Variants in RIF1 observed in about 807,000 individuals in gnomAD.
RIF1 encodes the protein replication timing regulatory factor 1, also known as telomere-associated protein RIF1.
RIF1 carries 45 observed loss-of-function variants against 247.1 expected under a neutral mutation model. That is an observed-to-expected ratio of 0.18 (90% CI 0.14 to 0.23). The LOEUF (loss-of-function observed/expected upper bound fraction) is 0.23, where lower values mean the gene tolerates loss of function less well. Ranked by LOEUF, RIF1 falls within the 10% of genes least tolerant of loss-of-function variation. The pLI is 1.00. For synonymous variants in RIF1, 1,087 were observed against 978.8 expected (o/e 1.11, Z -2.06); for missense variants, 2,967 against 2,862.5 (o/e 1.04, Z -0.83).
the RIF1 span, chr2:151,527,708 G>A: frequency 1.5e-6 from 1 of 687,550 alleles, no homozygotes; most frequent in South Asian, 1.9e-5. Flanking sequence ...AATGCAAGAG[G>A]AAGCCCCAAT....
rs374413679 is a variant in RIF1 at position 151,492,128 on chromosome 2, G to A, written c.*416-3101G>A. The stretch of plus-strand genomic sequence containing the variant: ...ATAGTCTCCTGATCTTGGTCATTCC[G>A]TTTTTGTTCCATTTCTACCACTTTC... On this transcript the variant is annotated intron_variant and NMD_transcript_variant, in intron 9 of 13. Coordinates refer to the RIF1 transcript ENST00000454583. 197 of 1,613,790 alleles carry A rather than the reference G, an allele frequency of 1.2e-4. No individual in the cohort carries two copies. The highest frequency in any genetic ancestry group is 1.7e-4 in the Middle Eastern group (1 of 6,060).
At chr2:151,520,293 T>C in the RIF1 span, among the ~76,000 whole-genome samples, 1 of 152,180 alleles carries the variant, frequency 6.6e-6, no homozygotes, top group Non-Finnish European at 1.5e-5. Flanking sequence ...CCAAAAATGG[T>C]ATAACTCCTG....
the RIF1 span, chr2:151,530,938 A>G: frequency 2.6e-6 from 3 of 1,157,388 alleles, no homozygotes; most frequent in Non-Finnish European, 3.8e-6. Context: ...GGTTTGTTAC[A>G]TCTCATTAGA....
intron 6 of RIF1, among the ~76,000 whole-genome samples, chr2:151,419,679 C>G (rs1311123550): frequency 6.6e-6 from 1 of 152,056 alleles, no homozygotes; most frequent in East Asian, 1.9e-4. Context: ...TGTAAATGCG[C>G]CGTACTTTTA....
intron 10 of RIF1, among the ~76,000 whole-genome samples, chr2:151,434,984 A>G (rs1690897381): frequency 6.6e-6 from 1 of 152,320 alleles, no homozygotes; most frequent in East Asian, 1.9e-4. Context: ...TTAAATTTAT[A>G]TAACATGAAA....
At chr2:151,470,046 TC>T (rs1452583405) in intron 34 of RIF1, among the ~76,000 whole-genome samples, 182 bp downstream of exon 34, 1 of 152,076 alleles carries the variant, frequency 6.6e-6, no homozygotes, top group East Asian at 1.9e-4. Context: ...ATTCTGTTCA[TC>T]CCCTTCTCTC....
chr2:151,506,629 AAAAG>A (rs2069150970), intron 13 of RIF1, among the ~76,000 whole-genome samples: 1 of 152,256 alleles, frequency 6.6e-6, no homozygotes, highest in Non-Finnish European at 1.5e-5. Context: ...CACAATGTCA[AAAAG>A]AAATCCATCT....
rs1697201541 is a variant in RIF1, at chr2:151,467,903, C to T, written c.6601-97C>T. Reference sequence around the variant, plus strand: ...TCTGGTGAAATAAATTTTCTAAACCCACATTCTATTTTTGGGTAACCTCAT... The same window carrying T: ...TCTGGTGAAATAAATTTTCTAAACCTACATTCTATTTTTGGGTAACCTCAT... On this transcript the variant is annotated intron_variant, in intron 30 of 35. Transcript: ENST00000444746. 7 of 1,201,230 alleles carry T rather than the reference C, an allele frequency of 5.8e-6. No homozygotes were observed. In the East Asian group the frequency reaches 7.4e-5, roughly 13 times the overall value. 74.4% of individuals were successfully genotyped at this position (1,201,230 alleles called of 1,614,324 possible). A position where few individuals can be genotyped will look rare whatever the true frequency, so the allele number is the denominator to read the frequency against.
intron 21 of RIF1, 37 bp downstream of exon 21, chr2:151,451,742 T>C: frequency 9.1e-7 from 1 of 1,099,428 alleles, no homozygotes. Flanking sequence ...TTGTCCAGTA[T>C]TTCATAAGCA....
chr2:151,531,767 G>C, the RIF1 span: 2 of 1,539,972 alleles, frequency 1.3e-6, no homozygotes, highest in Admixed American at 1.7e-5. Context: ...AGTTTGAGAA[G>C]GTATTCAGTG....
At chr2:151,447,088 C>T (rs910044101) in intron 20 of RIF1, among the ~76,000 whole-genome samples, 60 of 151,868 alleles carry the variant, frequency 4.0e-4, no homozygotes, top group Middle Eastern at 3.4e-3. Context: ...GGACCACAGG[C>T]GCCCGCCACC....
intron 4 of RIF1, 71 bp from the exon 5 acceptor site, chr2:151,416,490 T>C: frequency 7.5e-7 from 1 of 1,325,692 alleles, no homozygotes; most frequent in Middle Eastern, 2.7e-4. Context: ...TATTGTTTTC[T>C]CTAGTTTTAT....
intron 2 of RIF1, 32 bp downstream of exon 2, chr2:151,410,559 G>T: frequency 6.5e-7 from 1 of 1,537,472 alleles, no homozygotes; most frequent in South Asian, 1.1e-5. Context: ...AGCGGAGAGT[G>T]GGGCGCTCTA....
chr2:151,415,671 C>G (rs1359832102), intron 4 of RIF1, among the ~76,000 whole-genome samples: 1 of 150,244 alleles, frequency 6.7e-6, no homozygotes, highest in Non-Finnish European at 1.5e-5. Context: ...GTCGGGAGTT[C>G]GAGACCAGCC....
chr2:151,463,239 T>G lies in RIF1; in HGVS notation c.3719T>G (p.Leu1240Trp), dbSNP rs768787453. The change falls in exon 30 of 36, where the codon TTG becomes TGG. Residue 1240 changes from leucine (L) to tryptophan (W), a missense_variant. Leu to Trp is a moderately conservative substitution (Grantham distance 61). Coordinates refer to ENST00000444746, the MANE Select transcript of RIF1 (RefSeq NM_018151.5). Reference sequence around the variant, plus strand: ...AATAGACCTTTTAGTCCATCCCCCTTGAATAATATTTCATCAACTGTTACA... The same window carrying G: ...AATAGACCTTTTAGTCCATCCCCCTGGAATAATATTTCATCAACTGTTACA... Reference protein sequence around the residue: ...SENRPFSPSPLNNISSTVTVK... With the variant: ...SENRPFSPSPWNNISSTVTVK... 139 of 1,613,636 alleles carry G rather than the reference T, an allele frequency of 8.6e-5. No homozygotes were observed. The Middle Eastern group carries it at 2.5e-3, about 29-fold the overall frequency.
At chr2:151,426,763 C>T (rs963139584) in intron 8 of RIF1, among the ~76,000 whole-genome samples, 15 of 151,776 alleles carry the variant, frequency 9.9e-5, no homozygotes, top group African/African-American at 3.4e-4. Context: ...TCTCCTGCCT[C>T]GGCCTCCCGA....
intron 9 of RIF1, chr2:151,491,430 CTTTGGAAGAAAAATTAGAAATGATA>C: frequency 2.9e-6 from 1 of 341,738 alleles, no homozygotes. Context: ...ACTGTTTTTT[CTTTGGAAGAAAAATTAGAAATGATA>C]ATAATGGGAG....
chr2:151,423,173 A>G (rs1004489056), intron 8 of RIF1, 131 bp downstream of exon 8: 4 of 602,456 alleles, frequency 6.6e-6, no homozygotes, highest in Admixed American at 3.8e-5. Flanking sequence ...ATGCCTACTC[A>G]CTAAAATTTA....
chr2:151,529,160 C>T, the RIF1 span: 5 of 1,266,122 alleles, frequency 3.9e-6, no homozygotes, highest in African/African-American at 1.5e-5. Flanking sequence ...ATGTGTCCTA[C>T]AGAAGCTGGT....
Sources: gnomAD v4.1 joint callset for allele counts (sites outside exome capture counted in the v4.1 genomes callset) on GRCh38, gnomAD v4.1.1 for gene constraint, MANE v1.5 for transcripts, NCBI Gene and HGNC (gene_info 2026-07-23, HGNC 2026-07-21) for gene names.